Variants in NRXN3 observed in about 807,000 individuals in gnomAD.
NRXN3 encodes the protein neurexin 3.
NRXN3 carries 32 observed loss-of-function variants against 137.6 expected under a neutral mutation model. The ratio of observed to expected loss-of-function variants is 0.23; its 90% CI spans 0.18 to 0.31. The LOEUF is 0.31. Among genes scored for constraint, NRXN3 ranks in the 10% least tolerant of loss-of-function variants. NRXN3 has a pLI of 1.00. For synonymous variants in NRXN3, 798 were observed against 784.5 expected (o/e 1.02, Z -0.29); for missense variants, 1,574 against 2,062.5 (o/e 0.76, Z 4.59).
At chr14:78,478,834 G>A (rs2095423462) in intron 4 of NRXN3, among the ~76,000 whole-genome samples, 1 of 152,128 alleles carries the variant, frequency 6.6e-6, no homozygotes, top group African/African-American at 2.4e-5. Flanking sequence ...AGCTGAAGGA[G>A]CATTTTAGAA....
At chr14:79,629,422 G>C (rs948423318) in intron 16 of NRXN3, among the ~76,000 whole-genome samples, 23 of 152,146 alleles carry the variant, frequency 1.5e-4, no homozygotes, top group African/African-American at 4.6e-4. Flanking sequence ...ATCATCACAG[G>C]ACTGTTAAAA....
At chr14:79,674,322 T>C (rs1169763593) in intron 17 of NRXN3, among the ~76,000 whole-genome samples, 1 of 152,042 alleles carries the variant, frequency 6.6e-6, no homozygotes, top group Non-Finnish European at 1.5e-5. Flanking sequence ...GCGCATACTT[T>C]GATGAGTTTA....
At chr14:79,246,611 A>G (rs2075227508) in intron 15 of NRXN3, 1 of 152,082 alleles carries the variant, frequency 6.6e-6, no homozygotes, top group African/African-American at 2.4e-5. Context: ...CCTTCTTTAA[A>G]TGTCAGGTGT....
At chr14:79,615,170 G>T (rs1006406504) in intron 16 of NRXN3, among the ~76,000 whole-genome samples, 1 of 152,216 alleles carries the variant, frequency 6.6e-6, no homozygotes, top group African/African-American at 2.4e-5. Context: ...GAGTTTGGGA[G>T]TTTCTACTGT....
chr14:79,044,947 C>A (rs2062740), intron 15 of NRXN3, among the ~76,000 whole-genome samples: 1 of 151,676 alleles, frequency 6.6e-6, no homozygotes, highest in African/African-American at 2.4e-5. Flanking sequence ...GCAGCCCATG[C>A]ACCAATGAGA....
intron 6 of NRXN3, among the ~76,000 whole-genome samples, chr14:78,659,004 T>C (rs1443516203): frequency 3.3e-5 from 5 of 152,216 alleles, no homozygotes; most frequent in Non-Finnish European, 5.9e-5. Context: ...TGATGTCCTC[T>C]GCAAATTCAT....
chr14:79,552,700 T>C (rs1373768057), intron 16 of NRXN3, among the ~76,000 whole-genome samples: 1 of 152,078 alleles, frequency 6.6e-6, no homozygotes, highest in Non-Finnish European at 1.5e-5. Context: ...GAAGAACAGA[T>C]GATAGCCTGG....
chr14:79,518,769 G>A (rs1032229020), intron 16 of NRXN3, among the ~76,000 whole-genome samples: 15 of 151,854 alleles, frequency 9.9e-5, no homozygotes, highest in African/African-American at 2.7e-4. Flanking sequence ...CTTTAGCCTC[G>A]TTACTGACTT....
chr14:78,540,994 C>G (rs35681919), intron 4 of NRXN3, among the ~76,000 whole-genome samples: 36,159 of 152,096 alleles, frequency 0.24, 4,506 homozygotes, highest in Middle Eastern at 0.32. Flanking sequence ...TCTGCTGTTA[C>G]TCTCATGGGC....
chr14:78,275,852 T>C (rs1259255232), intron 2 of NRXN3, among the ~76,000 whole-genome samples: 1 of 152,154 alleles, frequency 6.6e-6, no homozygotes, highest in East Asian at 1.9e-4. Flanking sequence ...AAAGGGATGC[T>C]GGATAGACAG....
rs142827060 is a variant in NRXN3, at chr14:78,988,913, G to A, written c.3262+772G>A. 2.8e-3 allele frequency among the ~76,000 whole-genome samples: 421 copies of A among 152,198 alleles called. 2 individuals carry two copies. Among genetic ancestry groups the A allele is most frequent in the African/African-American group, 9.2e-3 (381 of 41,554 alleles). The stretch of plus-strand genomic sequence containing the variant: ...TGTCCACTAGTGATGCTTCTGGCTC[G>A]TGGGTTTAGTTCTGACTTCATGAAG... On this transcript the variant is annotated intron_variant, in intron 15 of 20. Coordinates refer to ENST00000335750, the MANE Select transcript of NRXN3 (RefSeq NM_001330195.2).
chr14:79,257,376 G>GTGATGGTGGTGA (rs2076743192), intron 15 of NRXN3, among the ~76,000 whole-genome samples: 4 of 103,354 alleles, frequency 3.9e-5, no homozygotes, highest in African/African-American at 1.5e-4. Context: ...GGTGGTGGTG[G>GTGATGGTGGTGA]TGGTGGTGGT....
chr14:79,650,906 C>G (rs2098472706), intron 16 of NRXN3, among the ~76,000 whole-genome samples: 1 of 152,040 alleles, frequency 6.6e-6, no homozygotes, highest in African/African-American at 2.4e-5. Context: ...GAGGGGATGG[C>G]CTCCCAAGAG....
At chr14:78,459,603 T>C (rs2094858107) in intron 4 of NRXN3, among the ~76,000 whole-genome samples, 1 of 152,142 alleles carries the variant, frequency 6.6e-6, no homozygotes, top group Non-Finnish European at 1.5e-5. Context: ...TACAAAGTGA[T>C]GGTGGAAAAA....
intron 15 of NRXN3, among the ~76,000 whole-genome samples, chr14:79,308,885 AT>A (rs1183504837): frequency 2.8e-4 from 19 of 68,892 alleles, no homozygotes; most frequent in African/African-American, 1.2e-3. Flanking sequence ...ATTTTATTTT[AT>A]TTTATTTTTT....
chr14:78,888,689 C>T (rs1353219140), intron 10 of NRXN3, among the ~76,000 whole-genome samples: 2 of 152,028 alleles, frequency 1.3e-5, no homozygotes, highest in African/African-American at 4.8e-5. Context: ...AGTTTCTTCC[C>T]TTTTGTGAAG....
At chr14:78,420,924 G>A (rs1239393730) in intron 4 of NRXN3, among the ~76,000 whole-genome samples, 1 of 152,190 alleles carries the variant, frequency 6.6e-6, no homozygotes, top group Non-Finnish European at 1.5e-5. Flanking sequence ...AAGGCTCAAT[G>A]TAGGGAACTT....
intron 6 of NRXN3, among the ~76,000 whole-genome samples, chr14:78,653,508 C>T (rs2152640687): frequency 6.6e-6 from 1 of 152,234 alleles, no homozygotes; most frequent in South Asian, 2.1e-4. Context: ...TAGGTCTTGC[C>T]TTTAGGATTA....
chr14:79,411,608 A>C (rs549161475), intron 15 of NRXN3, among the ~76,000 whole-genome samples: 1 of 152,194 alleles, frequency 6.6e-6, no homozygotes, highest in Non-Finnish European at 1.5e-5. Flanking sequence ...CAACCATGTT[A>C]TACTGCTACT....
Sources: allele counts gnomAD v4.1 joint callset (sites outside exome capture counted in the v4.1 genomes callset), GRCh38; gene constraint gnomAD v4.1.1; transcripts MANE v1.5; gene names NCBI Gene and HGNC (gene_info 2026-07-23, HGNC 2026-07-21).